Variants in BSDC1 observed in about 807,000 individuals in gnomAD.
BSDC1 encodes the protein BSD domain-containing protein 1.
Under a neutral mutation model 56.0 loss-of-function variants are expected in BSDC1, and 29 were observed. That is an observed-to-expected ratio of 0.52 (90% CI 0.39 to 0.71). The LOEUF (loss-of-function observed/expected upper bound fraction) is 0.71. Among genes scored for constraint, BSDC1 ranks in the 30% least tolerant of loss-of-function variants. The pLI, the probability that BSDC1 is intolerant of heterozygous loss-of-function variation, is 0.00. For missense variants in BSDC1, 477 were observed against 548.5 expected (o/e 0.87, Z 1.30); for synonymous variants, 210 against 215.3 (o/e 0.98, Z 0.21).
At chr1:32,374,236 G>A (rs115901575) in intron 9 of BSDC1, among the ~76,000 whole-genome samples, 1 of 152,340 alleles carries the variant, frequency 6.6e-6, no homozygotes, top group African/African-American at 2.4e-5. Flanking sequence ...AAAGTGCTCA[G>A]AGAATGTTAC....
At position 32,366,455 on chromosome 1, in the gene BSDC1, T is replaced by G. The variant is rs1204999918; in HGVS notation, c.*167A>C. The G allele has an allele frequency of 1.1e-5, 8 of 742,276 alleles. No homozygotes were observed. Among genetic ancestry groups the G allele is most frequent in the Non-Finnish European group, 1.9e-5 (8 of 412,162 alleles). 46.0% of individuals were successfully genotyped at this position (742,276 alleles called of 1,614,324 possible). On this transcript the variant is annotated 3_prime_UTR_variant, in exon 11 of 11. Coordinates refer to ENST00000455895, the MANE Select transcript of BSDC1 (RefSeq NM_018045.8). ...GATTTAGAGAGCCCCTTCCCAGGTG[T>G]GAGCAGAGGCCCAAGAGGGCCAGCA... is the stretch of plus-strand genomic sequence containing the variant.
chr1:32,390,955 A>G (rs1443767527), intron 2 of BSDC1, among the ~76,000 whole-genome samples: 1 of 152,030 alleles, frequency 6.6e-6, no homozygotes, highest in Non-Finnish European at 1.5e-5. Context: ...AAAAGGTCTA[A>G]GAGTCGCCCT....
At chr1:32,382,553 A>G (rs651789) in intron 4 of BSDC1, among the ~76,000 whole-genome samples, 1 of 151,542 alleles carries the variant, frequency 6.6e-6, no homozygotes, top group Non-Finnish European at 1.5e-5. Context: ...AGAAGAAAAC[A>G]CTCCATGAAA....
In BSDC1 at chr1:32,376,385, C is replaced by T. The variant is rs772612008; in HGVS notation, c.1033G>A (p.Gly345Ser). ...KPLTPAGHTG[G>S]PEPRPPARVE... ...CTGGCTGGAGGCCTGGGCTCTGGGC[C>T]GCCGGTGTGGCCAGCAGGCGTTAGG... The change falls in exon 9 of 11, where the codon GGC becomes AGC. Residue 345 changes from glycine (G) to serine (S), a missense_variant. Transcript: ENST00000455895. The T allele has an allele frequency of 1.7e-5, 27 of 1,613,604 alleles. No homozygotes were observed. The South Asian group carries it at 2.2e-4, about 13-fold the overall frequency.
intron 9 of BSDC1, among the ~76,000 whole-genome samples, chr1:32,371,519 C>T (rs975624947): frequency 6.6e-6 from 1 of 151,896 alleles, no homozygotes; most frequent in Non-Finnish European, 1.5e-5. Flanking sequence ...ACCGTGTTAG[C>T]CAGGATGGTC....
At chr1:32,368,901 T>C (rs189293701) in intron 9 of BSDC1, among the ~76,000 whole-genome samples, 30 of 152,274 alleles carry the variant, frequency 2.0e-4, no homozygotes, top group South Asian at 8.3e-4. Flanking sequence ...GGTTTCACCA[T>C]GTTGGCCAGG....
At chr1:32,377,497 TA>T (rs1227784336) in intron 8 of BSDC1, among the ~76,000 whole-genome samples, 1 of 152,176 alleles carries the variant, frequency 6.6e-6, no homozygotes, top group East Asian at 1.9e-4. Flanking sequence ...AGAAATGCGT[TA>T]ATATTATATC....
rs1169861798 is a variant in BSDC1, at chr1:32,366,435, A to G, written c.*187T>C. The stretch of plus-strand genomic sequence containing the variant: ...AAGTCAGAGTTTCTGGCCGGGATTT[A>G]GAGAGCCCCTTCCCAGGTGTGAGCA... On this transcript the variant is annotated 3_prime_UTR_variant, in exon 11 of 11. Transcript: ENST00000455895. 1 of 718,248 alleles carries G rather than the reference A, an allele frequency of 1.4e-6. No individual in the cohort carries two copies. The highest frequency in any genetic ancestry group is 2.7e-5 in the East Asian group (1 of 37,246). The allele number at this position is 718,248 out of a possible 1,614,324, so 44.5% of individuals were successfully genotyped here.
chr1:32,369,010 G>T (rs1421861685), intron 9 of BSDC1, among the ~76,000 whole-genome samples: 1 of 152,122 alleles, frequency 6.6e-6, no homozygotes, highest in African/African-American at 2.4e-5. Flanking sequence ...CCACTTTTAA[G>T]AATCTATTCT....
rs979988472 is a variant in BSDC1 at position 32,368,514 on chromosome 1, T to A, written c.1193A>T (p.Asp398Val). The change falls in exon 10 of 11, where the codon GAC becomes GTC. Residue 398 changes from aspartate (D) to valine (V), a missense_variant. Transcript: ENST00000455895. ...STDISEDWEK[D>V]FDLDMTEEEV... ...CTCTTCAGTCATGTCCAAGTCAAAGTCTTTCTCCCAGTCCTCACTGATGTC... is the reference window on the plus strand; with the variant it reads ...CTCTTCAGTCATGTCCAAGTCAAAGACTTTCTCCCAGTCCTCACTGATGTC... The A allele has an allele frequency of 1.2e-6, 2 of 1,613,984 alleles. No homozygotes were observed. Among genetic ancestry groups the A allele is most frequent in the Non-Finnish European group, 1.7e-6 (2 of 1,180,022 alleles).
Position 32,366,396 on chromosome 1 carries a change from C to A in BSDC1, c.*226G>T, listed in dbSNP as rs1641850546. ...ATAGGTTTCCTCTCCCTTGGGTCAT[C>A]CTATTGTTGGCACAAGTCAGAGTTT... On this transcript the variant is annotated 3_prime_UTR_variant, in exon 11 of 11. Coordinates refer to ENST00000455895, the MANE Select transcript of BSDC1 (RefSeq NM_018045.8). 1.4e-6 allele frequency: 1 copy of A among 699,936 alleles called. No individual in the cohort carries two copies. Among genetic ancestry groups the A allele is most frequent in the Non-Finnish European group, 2.6e-6 (1 of 383,164 alleles). 43.4% of individuals were successfully genotyped at this position (699,936 alleles called of 1,614,324 possible).
chr1:32,368,611 G>A (rs528822108), intron 9 of BSDC1, 61 bp from the exon 10 acceptor site: 35 of 1,605,274 alleles, frequency 2.2e-5, no homozygotes, highest in Non-Finnish European at 2.8e-5. Flanking sequence ...ACCTGAAGAG[G>A]GTGTAGCTGG....
chr1:32,394,398 G>A lies in BSDC1; in HGVS notation c.11+6C>T. On this transcript the variant is annotated splice_donor_region_variant and intron_variant, in intron 1 of 10. Coordinates refer to ENST00000455895, the MANE Select transcript of BSDC1 (RefSeq NM_018045.8). ...CCAACGCCTAGGAGCAAAACGACAAGCTCACCCTTCCGCCATCTTGCCTGC... is the reference window on the plus strand; with the variant it reads ...CCAACGCCTAGGAGCAAAACGACAAACTCACCCTTCCGCCATCTTGCCTGC... 2 of 1,614,124 alleles carry A rather than the reference G, an allele frequency of 1.2e-6. No homozygotes were observed. The highest frequency in any genetic ancestry group is 1.6e-4 in the Middle Eastern group (1 of 6,062).
intron 3 of BSDC1, 119 bp from the exon 4 acceptor site, chr1:32,384,116 C>T (rs556803487): frequency 2.7e-5 from 37 of 1,394,822 alleles, no homozygotes; most frequent in Admixed American, 1.3e-4. Flanking sequence ...GAAGCGCTCA[C>T]GACCCTTCAC....
chr1:32,375,810 T>G (rs959251642), intron 9 of BSDC1, among the ~76,000 whole-genome samples: 1 of 152,198 alleles, frequency 6.6e-6, no homozygotes, highest in African/African-American at 2.4e-5. Flanking sequence ...AAGGTTAAAT[T>G]GTCCAAAAAG....
At chr1:32,383,483 G>A (rs376911498) in intron 4 of BSDC1, among the ~76,000 whole-genome samples, 27 of 150,724 alleles carry the variant, frequency 1.8e-4, no homozygotes, top group South Asian at 8.4e-4. Flanking sequence ...GATTAGGAAA[G>A]ATGCTATGTT....
chr1:32,369,858 T>C (rs1642006605), intron 9 of BSDC1, among the ~76,000 whole-genome samples: 3 of 152,346 alleles, frequency 2.0e-5, no homozygotes, highest in Admixed American at 6.5e-5. Flanking sequence ...AGTGGCACGA[T>C]CTCAGCTCCC....
Position 32,378,853 on chromosome 1 carries a change from G to A in BSDC1, c.413-14C>T. The A allele has an allele frequency of 6.8e-7, 1 of 1,464,184 alleles. No individual in the cohort carries two copies. Among genetic ancestry groups the A allele is most frequent in the Non-Finnish European group, 9.1e-7 (1 of 1,100,918 alleles). The allele number at this position is 1,464,184 out of a possible 1,614,324, so 90.7% of individuals were successfully genotyped here. On this transcript the variant is annotated splice_polypyrimidine_tract_variant and intron_variant, in intron 5 of 10. Transcript: ENST00000455895. The surrounding 1 kb of genome is among the most constrained non-coding windows in gnomAD (Gnocchi z 5.2). ...ATTCCGGGGGCCCTGCAGAGGGACA[G>A]ATGCTGACGGTCAGTTGCCTTGGTC...
rs1391834436 is a variant in BSDC1, at chr1:32,368,567, CAG to C, written c.1157-19_1157-18del. ...TGCTTGAGCCTGGAACCACGAGCCA[CAG>C]TGTGAAAAGCAGGAGGAGGCAGGGA... is the stretch of plus-strand genomic sequence containing the variant. On this transcript the variant is annotated intron_variant, in intron 9 of 10. Coordinates refer to ENST00000455895, the MANE Select transcript of BSDC1 (RefSeq NM_018045.8). The C allele has an allele frequency of 6.2e-7, 1 of 1,613,818 alleles. No homozygotes were observed. Among genetic ancestry groups the C allele is most frequent in the Non-Finnish European group, 8.5e-7 (1 of 1,179,886 alleles).
Sources: allele counts gnomAD v4.1 joint callset (sites outside exome capture counted in the v4.1 genomes callset), GRCh38; gene constraint gnomAD v4.1.1; non-coding constraint Gnocchi (gnomAD v3.1); transcripts MANE v1.5; gene names NCBI Gene and HGNC (gene_info 2026-07-23, HGNC 2026-07-21).